The following NUP85 variants were observed in gnomAD, a reference collection of about 807,000 sequenced individuals.
NUP85 encodes nucleoporin 85.
Under a neutral mutation model 92.8 loss-of-function variants are expected in NUP85, and 23 were observed. The observed-to-expected ratio is 0.25, with a 90% CI of 0.18 to 0.35. The LOEUF (loss-of-function observed/expected upper bound fraction) is 0.35. NUP85 is among the 10% of genes least tolerant of loss of function. The probability of loss-of-function intolerance (pLI) is 1.00; values close to 1 mark genes in which losing one functional copy is unlikely to be tolerated. For synonymous variants in NUP85, 314 were observed against 306.9 expected (o/e 1.02, Z -0.24); for missense variants, 759 against 822.8 (o/e 0.92, Z 0.95).
Position 75,235,564 on chromosome 17 carries a change from T to C in NUP85, c.1870-14T>C. 1 of 1,602,684 alleles carries C rather than the reference T, an allele frequency of 6.2e-7. No individual in the cohort carries two copies. ...TCCTGCTCTTAGCTCATGCTGGCGCTCTCTGCTTTGCAGGATGATGACATA... is the reference window on the plus strand; with the variant it reads ...TCCTGCTCTTAGCTCATGCTGGCGCCCTCTGCTTTGCAGGATGATGACATA... On this transcript the variant is annotated splice_polypyrimidine_tract_variant and intron_variant, in intron 18 of 18. Transcript: ENST00000245544.
chr17:75,218,784 C>T (rs148656278), intron 7 of NUP85, among the ~76,000 whole-genome samples: 123 of 151,818 alleles, frequency 8.1e-4, no homozygotes, highest in African/African-American at 2.9e-3. Context: ...AAAGATAGTC[C>T]GACTCTGTTC....
intron 16 of NUP85, among the ~76,000 whole-genome samples, chr17:75,234,052 C>CT (rs10716628): frequency 0.14 from 16,962 of 117,958 alleles, 1,318 homozygotes; most frequent in Middle Eastern, 0.25. Flanking sequence ...CATGTTTCTT[C>CT]TTTTTTTTTT....
chr17:75,209,445 CTTTTTTT>C (rs71159453), intron 2 of NUP85, among the ~76,000 whole-genome samples: 2 of 106,442 alleles, frequency 1.9e-5, no homozygotes. Context: ...GATTTGCTTT[CTTTTTTT>C]TTTTTTTTTT....
intron 3 of NUP85, 102 bp downstream of exon 3, chr17:75,210,087 A>G: frequency 3.5e-6 from 4 of 1,146,978 alleles, no homozygotes; most frequent in Non-Finnish European, 5.0e-6. Flanking sequence ...TGCGTAAAGA[A>G]ATAAGAGACT....
chr17:75,225,293 TATAAAG>T lies in NUP85; in HGVS notation c.733-48_733-43del, dbSNP rs749228878. On this transcript the variant is annotated intron_variant, in intron 8 of 18. Transcript: ENST00000245544. Reference sequence around the variant, plus strand: ...CACAGGAGATGCGTGATTCACTAAATATAAAGGGTGTGGATGGGATGACGTCTCATG... The same window carrying T: ...CACAGGAGATGCGTGATTCACTAAATGGTGTGGATGGGATGACGTCTCATG... The T allele has an allele frequency of 6.8e-6, 11 of 1,612,492 alleles. No homozygotes were observed. The African/African-American group carries it at 1.5e-4, about 22-fold the overall frequency.
intron 11 of NUP85, among the ~76,000 whole-genome samples, chr17:75,227,195 A>G (rs2145367160): frequency 6.6e-6 from 1 of 152,122 alleles, no homozygotes; most frequent in South Asian, 2.1e-4. Flanking sequence ...CTGTTTGTAG[A>G]TCTGGGCATG....
rs530510838 is a variant in NUP85 at position 75,234,583 on chromosome 17, C to T, written c.1616-54C>T. ...GCCAGGGTGACTTTTGTAGGTGTCA[C>T]TTGGGCAATTTGGGGGAATATGCAG... On this transcript the variant is annotated intron_variant, in intron 16 of 18. Coordinates refer to ENST00000245544, the MANE Select transcript of NUP85 (RefSeq NM_024844.5). 6.6e-4 allele frequency: 1,048 copies of T among 1,599,226 alleles called. 8 individuals are homozygous for T. Among genetic ancestry groups the T allele is most frequent in the Non-Finnish European group, 4.5e-5 (53 of 1,168,006 alleles).
intron 17 of NUP85, 48 bp from the exon 18 acceptor site, chr17:75,235,052 G>A (rs1459549197): frequency 6.8e-6 from 10 of 1,479,786 alleles, no homozygotes. Flanking sequence ...CCCAACCAAT[G>A]CAGGCCAGGG....
Position 75,232,909 on chromosome 17 carries a change from T to C in NUP85, c.1455T>C (p.Ser485=). The C allele has an allele frequency of 6.2e-7, 1 of 1,614,258 alleles. No homozygotes were observed. The highest frequency in any genetic ancestry group is 8.5e-7 in the Non-Finnish European group (1 of 1,180,050). Residue 485 remains serine (S), a synonymous_variant, in exon 15 of 19, where the codon TCT becomes TCC. Coordinates refer to ENST00000245544, the MANE Select transcript of NUP85 (RefSeq NM_024844.5). ...MKAVRNNRLG[S]ALSWSIRAKD... is the part of the protein sequence containing the mutation. ...CCGTCCGCAACAATCGCCTGGGTTC[T>C]GCCCTCTCTTGGAGCATCCGTGCTA...
chr17:75,205,789 G>A lies in NUP85; in HGVS notation c.28G>A (p.Val10Ile), dbSNP rs778275239. The change falls in exon 1 of 19, where the codon GTC (valine) becomes ATC (isoleucine). Residue 10 changes from valine (V) to isoleucine (I), a missense_variant. Physicochemically the swap from Val to Ile is conservative, Grantham distance 29. Transcript: ENST00000245544. MEELDGEPT[V>I]TLIPGVNSKK... ...GGAGGAGCTCGATGGCGAGCCAACA[G>A]TCACTGTAAGGGTACCCCGAACAGG... 15 of 1,614,062 alleles carry A rather than the reference G, an allele frequency of 9.3e-6. 1 individual carries two copies. In the South Asian group the frequency reaches 1.6e-4, roughly 18 times the overall value.
intron 11 of NUP85, among the ~76,000 whole-genome samples, chr17:75,230,095 G>A (rs1803695125): frequency 6.6e-6 from 1 of 150,988 alleles, no homozygotes; most frequent in Non-Finnish European, 1.5e-5. Flanking sequence ...TCAGGCTGGA[G>A]TGCAGTGGCA....
At chr17:75,210,267 G>A (rs1378932298) in intron 3 of NUP85, among the ~76,000 whole-genome samples, 2 of 152,162 alleles carry the variant, frequency 1.3e-5, no homozygotes, top group African/African-American at 4.8e-5. Flanking sequence ...GCATGTGAGA[G>A]TCGTTGAATG....
intron 3 of NUP85, among the ~76,000 whole-genome samples, chr17:75,211,719 T>C (rs972929360): frequency 6.6e-6 from 1 of 152,166 alleles, no homozygotes; most frequent in Non-Finnish European, 1.5e-5. Flanking sequence ...TATGTATCTT[T>C]TTTATTTTTT....
chr17:75,226,036 A>G lies in NUP85; in HGVS notation c.988-15A>G. On this transcript the variant is annotated splice_polypyrimidine_tract_variant and intron_variant, in intron 10 of 18. Transcript: ENST00000245544. ...TTCCGTCCTCAGGATTGAGTGTCTC[A>G]TCACCTTTCCACAGTCCAGCCTGGA... is the stretch of plus-strand genomic sequence containing the variant. 1.9e-6 allele frequency: 3 copies of G among 1,613,614 alleles called. No individual in the cohort carries two copies. Among genetic ancestry groups the G allele is most frequent in the Non-Finnish European group, 2.5e-6 (3 of 1,179,638 alleles).
intron 7 of NUP85, among the ~76,000 whole-genome samples, chr17:75,221,971 A>T (rs2075609725): frequency 6.6e-6 from 1 of 152,110 alleles, no homozygotes; most frequent in African/African-American, 2.4e-5. Context: ...TGGGAGGATA[A>T]GGTTGGTGAA....
chr17:75,218,033 G>A (rs1349062508), intron 6 of NUP85, 152 bp from the exon 7 acceptor site: 24 of 944,084 alleles, frequency 2.5e-5, no homozygotes, highest in Non-Finnish European at 3.4e-5. Flanking sequence ...TCCTAGCACA[G>A]TCTGTCATTC....
Position 75,218,235 on chromosome 17 carries a change from G to A in NUP85, c.526G>A (p.Glu176Lys), listed in dbSNP as rs1312108939. 12 of 1,613,878 alleles carry A rather than the reference G, an allele frequency of 7.4e-6. No homozygotes were observed. The South Asian group carries it at 8.8e-5, about 12-fold the overall frequency. ...LLDWVRLHVC[E>K]VDSLSADVLG... ...TGACTGGGTCCGGCTCCATGTGTGCGAGGTGGACAGTTTGTCGGCAGATGT... is the reference window on the plus strand; with the variant it reads ...TGACTGGGTCCGGCTCCATGTGTGCAAGGTGGACAGTTTGTCGGCAGATGT... The change falls in exon 7 of 19, where the codon GAG becomes AAG. Residue 176 changes from glutamate to lysine, a missense_variant. Coordinates refer to ENST00000245544, the MANE Select transcript of NUP85 (RefSeq NM_024844.5).
intron 14 of NUP85, 97 bp from the exon 15 acceptor site, chr17:75,232,754 G>A: frequency 2.0e-6 from 2 of 1,015,414 alleles, no homozygotes; most frequent in South Asian, 2.5e-5. Context: ...GCTCTGCGGT[G>A]GAGTGAGGCT....
chr17:75,219,385 T>G (rs1487981879), intron 7 of NUP85, among the ~76,000 whole-genome samples: 1 of 152,140 alleles, frequency 6.6e-6, no homozygotes, highest in Non-Finnish European at 1.5e-5. Flanking sequence ...CAAGCAATCC[T>G]CCCACCTCAG....
Sources: allele counts gnomAD v4.1 joint callset (sites outside exome capture counted in the v4.1 genomes callset), GRCh38; gene constraint gnomAD v4.1.1; transcripts MANE v1.5; gene names NCBI Gene and HGNC (gene_info 2026-07-23, HGNC 2026-07-21).